Variants in STK32B observed in about 807,000 individuals in gnomAD.
The protein encoded by STK32B is serine/threonine-protein kinase 32B.
In STK32B, 43 loss-of-function variants were observed where a neutral mutation model predicts 52.6. That is an observed-to-expected ratio of 0.82 (90% CI 0.64 to 1.05). The LOEUF (loss-of-function observed/expected upper bound fraction) is 1.05, where lower values mean the gene tolerates loss of function less well. Among genes scored for constraint, STK32B ranks in the 50% least tolerant of loss-of-function variants. The pLI is 0.00. For missense variants in STK32B, 621 were observed against 534.6 expected (o/e 1.16, Z -1.59); for synonymous variants, 238 against 204.3 (o/e 1.17, Z -1.41).
rs1730956577 is a variant in STK32B at position 5,316,977 on chromosome 4, AAT to A, written c.261-14237_261-14236del. ...ATGATATAATATATATAATATATAT[AAT>A]ATATAATATATATGATATAATATAT... On this transcript the variant is annotated intron_variant, in intron 3 of 11. Coordinates refer to ENST00000282908, the MANE Select transcript of STK32B (RefSeq NM_018401.3). 2.3e-4 allele frequency among the ~76,000 whole-genome samples: 4 copies of A among 17,718 alleles called. No individual in the cohort carries two copies. In the South Asian group the frequency reaches 6.7e-3, roughly 30 times the overall value. The allele number at this position is 17,718 out of a possible 152,430, so 11.6% of individuals were successfully genotyped here.
intron 2 of STK32B, among the ~76,000 whole-genome samples, chr4:5,156,506 C>G (rs1174410859): frequency 3.3e-5 from 5 of 152,158 alleles, no homozygotes; most frequent in Non-Finnish European, 1.5e-5. Context: ...CTCTTGACCC[C>G]TTTGATGGCT....
At chr4:5,342,192 A>T (rs1257596098) in intron 4 of STK32B, among the ~76,000 whole-genome samples, 1 of 152,180 alleles carries the variant, frequency 6.6e-6, no homozygotes, top group Non-Finnish European at 1.5e-5. Context: ...CAGTGATCTC[A>T]TTACCAGGTA....
the STK32B span, among the ~76,000 whole-genome samples, chr4:5,035,927 G>A: frequency 4.0e-5 from 6 of 151,674 alleles, no homozygotes; most frequent in Non-Finnish European, 5.9e-5. Context: ...GATTACAGGC[G>A]CCCGCCACCA....
chr4:5,137,158 A>G lies in STK32B; in HGVS notation c.53-2747A>G, dbSNP rs149980117. On this transcript the variant is annotated intron_variant, in intron 1 of 11. Transcript: ENST00000282908. ...AGAACCAAGTCTCACCTCTACAGCGATAAAGCTGTGGCCAAGGAATGTAAC... is the reference window on the plus strand; with the variant it reads ...AGAACCAAGTCTCACCTCTACAGCGGTAAAGCTGTGGCCAAGGAATGTAAC... Among the ~76,000 whole-genome samples, 391 of 152,362 alleles carry G rather than the reference A, an allele frequency of 2.6e-3. 4 individuals carry two copies. Among genetic ancestry groups the G allele is most frequent in the African/African-American group, 8.5e-3 (353 of 41,586 alleles).
intron 3 of STK32B, among the ~76,000 whole-genome samples, chr4:5,190,599 C>T (rs1721108074): frequency 6.6e-6 from 1 of 152,140 alleles, no homozygotes; most frequent in African/African-American, 2.4e-5. Flanking sequence ...ATAGCTCACC[C>T]TGAAGAGTGC....
chr4:5,133,429 A>G (rs532915461), intron 1 of STK32B, among the ~76,000 whole-genome samples: 1 of 152,152 alleles, frequency 6.6e-6, no homozygotes, highest in East Asian at 1.9e-4. Context: ...ACTCCCTCAG[A>G]GAGCTCCCTA....
intron 3 of STK32B, among the ~76,000 whole-genome samples, chr4:5,307,560 T>TTTTTTTTTG (rs1730009278): frequency 6.8e-6 from 1 of 147,218 alleles, no homozygotes. Flanking sequence ...TTTTTTTTTT[T>TTTTTTTTTG]TTTTAGGTTG....
chr4:5,022,401 T>C, the STK32B span, among the ~76,000 whole-genome samples: 1 of 152,178 alleles, frequency 6.6e-6, no homozygotes, highest in African/African-American at 2.4e-5. Context: ...GGGCTCCCTA[T>C]GAGACGCCGC....
At chr4:5,135,467 C>T (rs1483060653) in intron 1 of STK32B, among the ~76,000 whole-genome samples, 1 of 152,172 alleles carries the variant, frequency 6.6e-6, no homozygotes, top group African/African-American at 2.4e-5. Context: ...AAATAGTTAG[C>T]ATTTACTAAG....
chr4:5,099,913 A>G (rs1015033636), intron 1 of STK32B, among the ~76,000 whole-genome samples: 3 of 152,132 alleles, frequency 2.0e-5, no homozygotes, highest in Non-Finnish European at 2.9e-5. Flanking sequence ...AGGAGTGACC[A>G]GATGCTTGGT....
In STK32B at chr4:5,478,063, G is replaced by T. The variant is rs1278325033; in HGVS notation, c.1106+9993G>T. ...CGTGGAAAGAATGCTTAGCTGGGAA[G>T]AGGGGAAGAGCAGAGTTCTGCATCT... On this transcript the variant is annotated intron_variant, in intron 11 of 11. Coordinates refer to ENST00000282908, the MANE Select transcript of STK32B (RefSeq NM_018401.3). 3.9e-5 allele frequency among the ~76,000 whole-genome samples: 6 copies of T among 152,324 alleles called. No individual in the cohort carries two copies. In the East Asian group the frequency reaches 1.2e-3, roughly 29 times the overall value.
intron 2 of STK32B, among the ~76,000 whole-genome samples, chr4:5,159,748 AATGTATATGAAT>A (rs1306621741): frequency 2.2e-5 from 3 of 136,116 alleles, no homozygotes; most frequent in African/African-American, 8.6e-5. Flanking sequence ...TGAATATATG[AATGTATATGAAT>A]ATATATATGA....
intron 8 of STK32B, 30 bp downstream of exon 8, chr4:5,456,953 C>T (rs114573192): frequency 4.1e-6 from 6 of 1,473,242 alleles, no homozygotes; most frequent in African/African-American, 1.4e-5. Flanking sequence ...CCTGCCCCGC[C>T]AGGGAGCTAC....
intron 6 of STK32B, among the ~76,000 whole-genome samples, chr4:5,434,490 A>G (rs1481421817): frequency 1.3e-5 from 2 of 150,278 alleles, no homozygotes; most frequent in African/African-American, 4.9e-5. Flanking sequence ...TATATTCAGC[A>G]TGTTTATAAA....
intron 11 of STK32B, among the ~76,000 whole-genome samples, chr4:5,468,882 CTT>C (rs578237951): frequency 1.4e-3 from 206 of 152,184 alleles, no homozygotes; most frequent in African/African-American, 4.7e-3. Flanking sequence ...AACCCCGTCT[CTT>C]CTAAAAATAC....
chr4:5,393,486 C>T (rs1441124920), intron 4 of STK32B, among the ~76,000 whole-genome samples: 1 of 152,128 alleles, frequency 6.6e-6, no homozygotes, highest in Non-Finnish European at 1.5e-5. Context: ...GTTCTGAAGG[C>T]AGTACAGGAA....
At position 5,436,271 on chromosome 4, in the gene STK32B, C is replaced by T. The variant is rs184969571; in HGVS notation, c.563-10402C>T. Among the ~76,000 whole-genome samples, 57 of 152,318 alleles carry T rather than the reference C, an allele frequency of 3.7e-4. No homozygotes were observed. The East Asian group carries it at 6.4e-3, about 17-fold the overall frequency. ...AACATCACCAAAGCACATCAGCACA[C>T]GAAAGGCTCTGAGGATGATGGTAGA... On this transcript the variant is annotated intron_variant, in intron 6 of 11. Transcript: ENST00000282908.
chr4:5,452,612 G>C (rs1560426200), intron 7 of STK32B, among the ~76,000 whole-genome samples: 1 of 152,166 alleles, frequency 6.6e-6, no homozygotes, highest in East Asian at 1.9e-4. Flanking sequence ...CTAAGGAACT[G>C]TTTTTCACTT....
rs1368726116 is a variant in STK32B, at chr4:5,102,485, C to A, written c.53-37420C>A. 2.2e-5 allele frequency among the ~76,000 whole-genome samples: 3 copies of A among 135,390 alleles called. No individual in the cohort carries two copies. In the South Asian group the frequency reaches 8.3e-4, roughly 37 times the overall value. The allele number at this position is 135,390 out of a possible 152,430, so 88.8% of individuals were successfully genotyped here. A position where few individuals can be genotyped will look rare whatever the true frequency, so the allele number is the denominator to read the frequency against. On this transcript the variant is annotated intron_variant, in intron 1 of 11. Coordinates refer to ENST00000282908, the MANE Select transcript of STK32B (RefSeq NM_018401.3). Reference sequence around the variant, plus strand: ...CCTTCCTTCCTTCCTTCCTTCCTTCCTTCCTTCCCTCCCTCCCTCCCTCCC... The same window carrying A: ...CCTTCCTTCCTTCCTTCCTTCCTTCATTCCTTCCCTCCCTCCCTCCCTCCC...
Sources: allele counts gnomAD v4.1 joint callset (sites outside exome capture counted in the v4.1 genomes callset), GRCh38; gene constraint gnomAD v4.1.1; transcripts MANE v1.5; gene names NCBI Gene and HGNC (gene_info 2026-07-23, HGNC 2026-07-21).